The following CACNA2D3 variants were observed in gnomAD, a reference collection of about 807,000 sequenced individuals.
CACNA2D3 encodes the protein calcium voltage-gated channel auxiliary subunit alpha2delta 3, also known as voltage-dependent calcium channel subunit alpha-2/delta-3.
In CACNA2D3, 60 loss-of-function variants were observed where a neutral mutation model predicts 160.6. The observed-to-expected ratio is 0.37, with a 90% CI of 0.30 to 0.46. The LOEUF is 0.46. CACNA2D3 is among the 20% of genes least tolerant of loss of function. The pLI is 1.00. For synonymous variants in CACNA2D3, 558 were observed against 492.9 expected, an observed-to-expected ratio of 1.13 and a Z score of -1.75; for missense variants, 1,205 against 1,365.0, an observed-to-expected ratio of 0.88 and a Z score of 1.85.
Position 54,276,476 on chromosome 3 carries a change from G to A in CACNA2D3, c.205-43966G>A, listed in dbSNP as rs143619275. 1.1e-4 allele frequency among the ~76,000 whole-genome samples: 17 copies of A among 152,088 alleles called. No homozygotes were observed. The East Asian group carries it at 3.3e-3, about 30-fold the overall frequency. On this transcript the variant is annotated intron_variant, in intron 2 of 37. Coordinates refer to ENST00000474759, the MANE Select transcript of CACNA2D3 (RefSeq NM_018398.3). ...TAATCTCAGCTACTTGGGAGGCTGA[G>A]GCAGGAGAATTGCTTGAACTTGCGA... is the stretch of plus-strand genomic sequence containing the variant.
At chr3:54,814,652 T>G (rs934896897) in intron 13 of CACNA2D3, among the ~76,000 whole-genome samples, 2 of 152,244 alleles carry the variant, frequency 1.3e-5, no homozygotes, top group African/African-American at 4.8e-5. Flanking sequence ...TCGTAAGTTA[T>G]TTCTTGAGGA....
At chr3:54,339,686 C>T (rs1301806985) in intron 3 of CACNA2D3, among the ~76,000 whole-genome samples, 1 of 152,088 alleles carries the variant, frequency 6.6e-6, no homozygotes, top group Non-Finnish European at 1.5e-5. Context: ...AATATTTTAC[C>T]TACAACAATA....
chr3:54,312,606 G>A (rs1020253593), intron 2 of CACNA2D3, among the ~76,000 whole-genome samples: 6 of 152,172 alleles, frequency 3.9e-5, no homozygotes, highest in Admixed American at 1.3e-4. Context: ...TTTTCTCTTC[G>A]TGGTGTTTGT....
At chr3:54,275,179 T>A (rs1284844048) in intron 2 of CACNA2D3, among the ~76,000 whole-genome samples, 1 of 152,198 alleles carries the variant, frequency 6.6e-6, no homozygotes, top group Non-Finnish European at 1.5e-5. Flanking sequence ...GAAACCCACT[T>A]TGCTGTTCCC....
intron 3 of CACNA2D3, among the ~76,000 whole-genome samples, chr3:54,351,064 C>T (rs1214273903): frequency 1.4e-5 from 2 of 145,564 alleles, no homozygotes; most frequent in Non-Finnish European, 3.0e-5. Flanking sequence ...TCACTGCAAC[C>T]TCCACCTCCT....
chr3:54,890,585 A>G (rs1700041722), intron 24 of CACNA2D3, among the ~76,000 whole-genome samples: 1 of 152,150 alleles, frequency 6.6e-6, no homozygotes. Flanking sequence ...GGAGAAATAT[A>G]CCTTGCAAAT....
At chr3:54,742,135 G>A (rs1396840718) in intron 11 of CACNA2D3, among the ~76,000 whole-genome samples, 3 of 152,126 alleles carry the variant, frequency 2.0e-5, no homozygotes, top group Non-Finnish European at 4.4e-5. Flanking sequence ...AAATAGTGCT[G>A]GGGCTGGGTG....
At chr3:54,163,640 A>G (rs1024174372) in intron 2 of CACNA2D3, among the ~76,000 whole-genome samples, 1 of 152,092 alleles carries the variant, frequency 6.6e-6, no homozygotes, top group Middle Eastern at 3.2e-3. Flanking sequence ...TGCAAGCAAC[A>G]CCCTCTAACT....
intron 2 of CACNA2D3, among the ~76,000 whole-genome samples, chr3:54,289,659 A>T (rs1363381085): frequency 2.6e-5 from 4 of 152,242 alleles, no homozygotes; most frequent in Non-Finnish European, 5.9e-5. Context: ...TTCAAACTAT[A>T]CAACAAGGCT....
intron 35 of CACNA2D3, among the ~76,000 whole-genome samples, chr3:55,045,113 A>G (rs1387704740): frequency 1.3e-5 from 2 of 152,134 alleles, no homozygotes; most frequent in Non-Finnish European, 2.9e-5. Flanking sequence ...CAGTGGTATG[A>G]TCTTGGCTCA....
chr3:54,766,935 A>G (rs539588763), intron 13 of CACNA2D3, among the ~76,000 whole-genome samples: 39 of 140,106 alleles, frequency 2.8e-4, no homozygotes, highest in African/African-American at 1.1e-3. Context: ...TTACTTTACA[A>G]AAAAAAAAAA....
At position 54,642,209 on chromosome 3, in the gene CACNA2D3, A is replaced by G. The variant is rs1699536500; in HGVS notation, c.1135A>G (p.Ile379Val). The G allele has an allele frequency of 6.2e-7, 1 of 1,612,634 alleles. No individual in the cohort carries two copies. ...TDGAVDTYDTIFAKYNWPDRK... is the reference protein window; with the variant it reads ...TDGAVDTYDTVFAKYNWPDRK... ...TGGGGCGGTGGACACCTATGATACA[A>G]TCTTTGCAAAATACAATTGGCCAGA... Residue 379 changes from isoleucine to valine, a missense_variant, in exon 11 of 38, where the codon ATC becomes GTC. Ile to Val is a conservative substitution (Grantham distance 29). This residue lies in a region of CACNA2D3 where 911 missense variants were observed against 1,002.2 expected (regional missense o/e 0.91). Coordinates refer to ENST00000474759, the MANE Select transcript of CACNA2D3 (RefSeq NM_018398.3).
intron 36 of CACNA2D3, 86 bp downstream of exon 36, chr3:55,073,643 G>A (rs1450128560): frequency 1.6e-6 from 2 of 1,259,686 alleles, no homozygotes; most frequent in African/African-American, 1.5e-5. Context: ...AGAAATATTA[G>A]AGAAGGAAAA....
At chr3:54,988,773 G>T (rs1702674788) in intron 31 of CACNA2D3, among the ~76,000 whole-genome samples, 1 of 152,106 alleles carries the variant, frequency 6.6e-6, no homozygotes, top group African/African-American at 2.4e-5. Flanking sequence ...TGATGACCCA[G>T]TGTTTGAAAT....
intron 2 of CACNA2D3, among the ~76,000 whole-genome samples, chr3:54,169,260 C>T (rs548847475): frequency 5.9e-5 from 9 of 152,288 alleles, no homozygotes; most frequent in South Asian, 2.1e-4. Flanking sequence ...AAAAAAGTAA[C>T]GGCCTGTGTG....
chr3:54,554,053 T>G (rs889091681), intron 5 of CACNA2D3, among the ~76,000 whole-genome samples: 2 of 152,152 alleles, frequency 1.3e-5, no homozygotes, highest in African/African-American at 4.8e-5. Context: ...AGACACCAGA[T>G]TCTTCCCAAG....
chr3:54,321,022 T>C (rs1703976754), intron 3 of CACNA2D3, among the ~76,000 whole-genome samples: 1 of 152,190 alleles, frequency 6.6e-6, no homozygotes, highest in Non-Finnish European at 1.5e-5. Flanking sequence ...GTCTGAGTTA[T>C]TTGAAAGTTT....
intron 17 of CACNA2D3, among the ~76,000 whole-genome samples, chr3:54,851,026 A>G (rs1029074355): frequency 6.6e-6 from 1 of 152,246 alleles, no homozygotes; most frequent in Non-Finnish European, 1.5e-5. Context: ...CCAATAACTC[A>G]AACTCTAATA....
At chr3:54,520,631 A>G (rs1288893715) in intron 5 of CACNA2D3, among the ~76,000 whole-genome samples, 1 of 152,174 alleles carries the variant, frequency 6.6e-6, no homozygotes, top group East Asian at 1.9e-4. Flanking sequence ...CATAACATAC[A>G]ATTTGCCTGT....
Sources: gnomAD v4.1 joint callset for allele counts (sites outside exome capture counted in the v4.1 genomes callset) on GRCh38, gnomAD v4.1.1 for gene constraint, gnomAD v4.1.1 regional missense constraint, MANE v1.5 for transcripts, NCBI Gene and HGNC (gene_info 2026-07-23, HGNC 2026-07-21) for gene names.